TRMT44: variants seen among roughly 807,000 people sequenced by gnomAD.
TRMT44 encodes the protein probable tRNA (uracil-O(2)-)-methyltransferase.
TRMT44 carries 78 observed loss-of-function variants against 77.3 expected under a neutral mutation model. The observed-to-expected ratio is 1.01, with a 90% CI of 0.84 to 1.22. TRMT44 has a LOEUF of 1.22. Among genes scored for constraint, TRMT44 ranks in the 50% most tolerant of loss-of-function variants. The pLI is 0.00. For synonymous variants in TRMT44, 391 were observed against 383.3 expected (o/e 1.02, Z -0.23); for missense variants, 1,090 against 964.4 (o/e 1.13, Z -1.73).
At chr4:8,450,806 T>A (rs1184879294) in intron 3 of TRMT44, among the ~76,000 whole-genome samples, 1 of 148,656 alleles carries the variant, frequency 6.7e-6, no homozygotes, top group African/African-American at 2.5e-5. Flanking sequence ...TTTTTTTTTT[T>A]TTTTTTTTTG....
chr4:8,464,075 C>T lies in TRMT44; in HGVS notation c.1294C>T (p.Pro432Ser), dbSNP rs1726359106. Residue 432 changes from proline (P) to serine (S), a missense_variant, in exon 7 of 11, where the codon CCT (proline) becomes TCT (serine). Pro to Ser is a moderately conservative substitution (Grantham distance 74, BLOSUM62 -1). Coordinates refer to ENST00000389737, the MANE Select transcript of TRMT44 (RefSeq NM_152544.3). ...TTCTGATGAACTCACACCATGGATA[C>T]CTGTCATTGCAGCCAGGTGAGAAGT... is the stretch of plus-strand genomic sequence containing the variant. Reference protein sequence around the residue: ...NHSDELTPWIPVIAARSSYNC... With the variant: ...NHSDELTPWISVIAARSSYNC... 1 of 1,613,818 alleles carries T rather than the reference C, an allele frequency of 6.2e-7. No individual in the cohort carries two copies.
rs1726704604 is a variant in TRMT44 at position 8,467,934 on chromosome 4, C to T, written c.1515C>T (p.Ser505=). Residue 505 remains serine (S), a synonymous_variant, in exon 9 of 11, where the codon TCC becomes TCT. Coordinates refer to ENST00000389737, the MANE Select transcript of TRMT44 (RefSeq NM_152544.3). ...STKRVCLVGK[S]RTYPSSREAS... Reference sequence around the variant, plus strand: ...CGCAGGTCTGTCTCGTTGGAAAATCCAGAACATACCCTTCCTCCAGAGAAG... The same window carrying T: ...CGCAGGTCTGTCTCGTTGGAAAATCTAGAACATACCCTTCCTCCAGAGAAG... 3 of 1,607,770 alleles carry T rather than the reference C, an allele frequency of 1.9e-6. No homozygotes were observed. In the African/African-American group the frequency reaches 4.0e-5, roughly 22 times the overall value.
rs1464151694 is a variant in TRMT44, at chr4:8,440,999, C to T, written c.177C>T (p.Pro59=). ...AALPCAEARG[P]GTSAGSEQKE... ...TGCCCTGCGCGGAGGCCCGCGGCCCCGGGACTAGCGCAGGCTCGGAGCAGA... is the reference window on the plus strand; with the variant it reads ...TGCCCTGCGCGGAGGCCCGCGGCCCTGGGACTAGCGCAGGCTCGGAGCAGA... Residue 59 remains proline (P), a synonymous_variant, in exon 1 of 11, where the codon CCC becomes CCT. Coordinates refer to ENST00000389737, the MANE Select transcript of TRMT44 (RefSeq NM_152544.3). 6 of 1,519,588 alleles carry T rather than the reference C, an allele frequency of 3.9e-6. No homozygotes were observed. The East Asian group carries it at 9.9e-5, about 25-fold the overall frequency. The allele number at this position is 1,519,588 out of a possible 1,614,324, so 94.1% of individuals were successfully genotyped here.
At chr4:8,488,231 G>A (rs1354346870) in intron 2 of TRMT44, among the ~76,000 whole-genome samples, 1 of 152,202 alleles carries the variant, frequency 6.6e-6, no homozygotes, top group Admixed American at 6.5e-5. Context: ...TCCTAAGGGA[G>A]GTTCCCCGGT....
chr4:8,516,129 A>G, the TRMT44 span, among the ~76,000 whole-genome samples: 1 of 151,924 alleles, frequency 6.6e-6, no homozygotes, highest in East Asian at 1.9e-4. Flanking sequence ...ACAAAAATGA[A>G]CTCAGTGCGG....
Position 8,441,380 on chromosome 4 carries a change from C to T in TRMT44, c.558C>T (p.Val186=), listed in dbSNP as rs1430973232. The change falls in exon 1 of 11, where the codon GTC becomes GTT. Residue 186 remains valine, a synonymous_variant. Transcript: ENST00000389737. ...QRELDVVLRT[V]IPKTSPHCPL... ...AGCTCGACGTGGTTCTCAGAACCGT[C>T]ATCCCGAAAACTAGCCCACATTGCC... 1.3e-6 allele frequency: 2 copies of T among 1,532,410 alleles called. No individual in the cohort carries two copies. Among genetic ancestry groups the T allele is most frequent in the Non-Finnish European group, 1.7e-6 (2 of 1,144,200 alleles). 94.9% of individuals were successfully genotyped at this position (1,532,410 alleles called of 1,614,324 possible).
chr4:8,479,758 C>T (rs1485525303), downstream of TRMT44, among the ~76,000 whole-genome samples: 1 of 152,198 alleles, frequency 6.6e-6, no homozygotes, highest in Non-Finnish European at 1.5e-5. Flanking sequence ...TCTTCAATAA[C>T]ACATTCACTT....
chr4:8,465,453 G>A lies in TRMT44; in HGVS notation c.1386G>A (p.Gln462=), dbSNP rs1232495910. 2 of 1,614,198 alleles carry A rather than the reference G, an allele frequency of 1.2e-6. No individual in the cohort carries two copies. The highest frequency in any genetic ancestry group is 1.7e-6 in the Non-Finnish European group (2 of 1,180,028). The change falls in exon 8 of 11, where the codon CAG becomes CAA. Residue 462 remains glutamine, a synonymous_variant. Transcript: ENST00000389737. ...FDFIGRYSRR[Q]SKKTQYREYL... is the part of the protein sequence containing the mutation. ...TCATTGGAAGATACTCCCGGAGGCA[G>A]AGTAAGAAGACTCAGTACCGGGAAT... is the stretch of plus-strand genomic sequence containing the variant.
At chr4:8,457,026 C>T (rs1039628118) in intron 6 of TRMT44, among the ~76,000 whole-genome samples, 1 of 136,854 alleles carries the variant, frequency 7.3e-6, no homozygotes, top group Admixed American at 7.2e-5. Flanking sequence ...CGCCCCCCCC[C>T]CCCAACTATC....
intron 9 of TRMT44, among the ~76,000 whole-genome samples, chr4:8,470,281 C>T (rs1268949134): frequency 6.6e-6 from 1 of 152,160 alleles, no homozygotes; most frequent in Admixed American, 6.5e-5. Context: ...GCACCAGGCT[C>T]CTGGGTCAGG....
chr4:8,446,248 C>T lies in TRMT44; in HGVS notation c.620-228C>T, dbSNP rs28450793. Among the ~76,000 whole-genome samples, 3 of 152,330 alleles carry T rather than the reference C, an allele frequency of 2.0e-5. No homozygotes were observed. Among genetic ancestry groups the T allele is most frequent in the African/African-American group, 7.2e-5 (3 of 41,574 alleles). On this transcript the variant is annotated intron_variant, in intron 1 of 10. Coordinates refer to ENST00000389737, the MANE Select transcript of TRMT44 (RefSeq NM_152544.3). The surrounding 1 kb of genome is among the most constrained non-coding windows in gnomAD (Gnocchi z 4.3). ...TTCCCTCAGGTCCTGGCTCATGCAT[C>T]TCTCAACAGATACTTGCAGAGAATG...
In TRMT44 at chr4:8,440,802, G is replaced by A. The variant is rs1228601570; in HGVS notation, c.-21G>A. 1.3e-5 allele frequency: 19 copies of A among 1,433,556 alleles called. No homozygotes were observed. Among genetic ancestry groups the A allele is most frequent in the Non-Finnish European group, 1.6e-5 (18 of 1,096,912 alleles). The allele number at this position is 1,433,556 out of a possible 1,614,324, so 88.8% of individuals were successfully genotyped here. ...GTCATCTCGGCGCGCCGCTGCCAGG[G>A]CTGTACACCTGCTGGCTGCCATGGC... On this transcript the variant is annotated 5_prime_UTR_variant, in exon 1 of 11. Coordinates refer to ENST00000389737, the MANE Select transcript of TRMT44 (RefSeq NM_152544.3).
At chr4:8,470,928 G>T (rs1726947302) in intron 9 of TRMT44, 156 bp from the exon 10 acceptor site, 1 of 594,490 alleles carries the variant, frequency 1.7e-6, no homozygotes, top group South Asian at 2.2e-5. Context: ...GTTTGGTGCG[G>T]TGTGGTGTGG....
chr4:8,467,487 T>TG (rs1726665718), intron 8 of TRMT44, among the ~76,000 whole-genome samples: 1 of 152,164 alleles, frequency 6.6e-6, no homozygotes, highest in Non-Finnish European at 1.5e-5. Context: ...TTTTTATTGA[T>TG]TTATTTATTT....
At chr4:8,470,278 GC>G (rs1225570642) in intron 9 of TRMT44, among the ~76,000 whole-genome samples, 3 of 152,172 alleles carry the variant, frequency 2.0e-5, no homozygotes, top group Non-Finnish European at 4.4e-5. Flanking sequence ...CCAGCACCAG[GC>G]TCCTGGGTCA....
chr4:8,440,869 T>A lies in TRMT44; in HGVS notation c.47T>A (p.Leu16His). The change falls in exon 1 of 11, where the codon CTC becomes CAC. Residue 16 changes from leucine (L) to histidine (H), a missense_variant. Transcript: ENST00000389737. ...GGGATCAGCTACCCAGGCGCGCTTCTCCCACAGGGCTTCTGGGCTGCGGTC... is the reference window on the plus strand; with the variant it reads ...GGGATCAGCTACCCAGGCGCGCTTCACCCACAGGGCTTCTGGGCTGCGGTC... ...RTGISYPGAL[L>H]PQGFWAAVEV... is the part of the protein sequence containing the mutation. 2 of 1,521,382 alleles carry A rather than the reference T, an allele frequency of 1.3e-6. No homozygotes were observed. Among genetic ancestry groups the A allele is most frequent in the Non-Finnish European group, 1.8e-6 (2 of 1,141,124 alleles). 94.2% of individuals were successfully genotyped at this position (1,521,382 alleles called of 1,614,324 possible). A position where few individuals can be genotyped will look rare whatever the true frequency, so the allele number is the denominator to read the frequency against.
the TRMT44 span, among the ~76,000 whole-genome samples, chr4:8,508,456 G>T: frequency 5.3e-5 from 8 of 152,312 alleles, no homozygotes; most frequent in East Asian, 1.5e-3. Flanking sequence ...CCCTCCCCAA[G>T]TGACCCCCAG....
the TRMT44 span, among the ~76,000 whole-genome samples, chr4:8,501,157 G>A: frequency 1.3e-5 from 2 of 152,194 alleles, no homozygotes; most frequent in East Asian, 1.9e-4. The surrounding 1 kb of genome is among the most constrained non-coding windows in gnomAD (Gnocchi z 4.4). Flanking sequence ...CTGCATGGCC[G>A]GCAATTCCAT....
Position 8,456,636 on chromosome 4 carries a change from T to C in TRMT44, c.1203+1823T>C, listed in dbSNP as rs578172450. Among the ~76,000 whole-genome samples the C allele has an allele frequency of 3.9e-5, 6 of 151,966 alleles. No homozygotes were observed. In the East Asian group the frequency reaches 9.7e-4, roughly 25 times the overall value. On this transcript the variant is annotated intron_variant, in intron 6 of 10. Transcript: ENST00000389737. ...GGGTGTATTCATCTCATATTTAGAATGCAGCTTTGATATGGTTGCAGGATT... is the reference window on the plus strand; with the variant it reads ...GGGTGTATTCATCTCATATTTAGAACGCAGCTTTGATATGGTTGCAGGATT...
Sources: gnomAD v4.1 joint callset for allele counts (sites outside exome capture counted in the v4.1 genomes callset) on GRCh38, gnomAD v4.1.1 for gene constraint, Gnocchi (gnomAD v3.1) non-coding constraint, MANE v1.5 for transcripts, NCBI Gene and HGNC (gene_info 2026-07-23, HGNC 2026-07-21) for gene names.